SCRG1: variants seen among roughly 807,000 people sequenced by gnomAD.
The protein encoded by SCRG1 is stimulator of chondrogenesis 1, also known as scrapie-responsive protein 1.
A neutral mutation model predicts 7.7 loss-of-function variants in SCRG1; 3 were observed. The ratio of observed to expected loss-of-function variants is 0.39; its 90% CI spans 0.18 to 1.01. The LOEUF (loss-of-function observed/expected upper bound fraction) is 1.01. SCRG1 is among the 50% of genes least tolerant of loss of function. The pLI, the probability that SCRG1 is intolerant of heterozygous loss-of-function variation, is 0.36. For synonymous variants in SCRG1, 46 were observed against 41.2 expected (o/e 1.12, Z -0.44); for missense variants, 110 against 117.2 (o/e 0.94, Z 0.28).
At chr4:173,405,882 G>C (rs974889951) in intron 1 of SCRG1, among the ~76,000 whole-genome samples, 1 of 152,156 alleles carries the variant, frequency 6.6e-6, no homozygotes, top group Admixed American at 6.5e-5. Flanking sequence ...AAGGAGCCCT[G>C]GTTCCTTTCA....
chr4:173,464,913 A>G, the SCRG1 span, among the ~76,000 whole-genome samples: 4 of 152,354 alleles, frequency 2.6e-5, no homozygotes, highest in Middle Eastern at 0.01. Flanking sequence ...TTAGCCTTAC[A>G]TAGGAAGGAA....
the SCRG1 span, among the ~76,000 whole-genome samples, chr4:173,425,678 T>C: frequency 6.6e-6 from 1 of 152,230 alleles, no homozygotes; most frequent in African/African-American, 2.4e-5. Flanking sequence ...CATTCGTTCC[T>C]GACACCAGAA....
At chr4:173,505,036 C>A in the SCRG1 span, among the ~76,000 whole-genome samples, 2 of 152,200 alleles carry the variant, frequency 1.3e-5, no homozygotes, top group South Asian at 4.1e-4. This position sits in a 1 kb window ranked among gnomAD's most constrained non-coding sequence, Gnocchi z 4.4. Flanking sequence ...CATAGTCTCA[C>A]CTTCTGTCAC....
chr4:173,462,193 A>G, the SCRG1 span, among the ~76,000 whole-genome samples: 3 of 152,216 alleles, frequency 2.0e-5, no homozygotes, highest in Non-Finnish European at 2.9e-5. Context: ...TCAATATCCA[A>G]GTACAACAAG....
the SCRG1 span, among the ~76,000 whole-genome samples, chr4:173,433,115 G>T: frequency 6.6e-6 from 1 of 152,038 alleles, no homozygotes; most frequent in African/African-American, 2.4e-5. Flanking sequence ...CTTTTTCCTA[G>T]CTTTAGAAGC....
At chr4:173,459,160 A>G in the SCRG1 span, among the ~76,000 whole-genome samples, 1 of 152,246 alleles carries the variant, frequency 6.6e-6, no homozygotes, top group African/African-American at 2.4e-5. Context: ...CTCCAATACA[A>G]TAATAGTTAG....
upstream of SCRG1, among the ~76,000 whole-genome samples, chr4:173,403,915 A>G (rs1034493882): frequency 6.6e-6 from 1 of 152,178 alleles, no homozygotes; most frequent in African/African-American, 2.4e-5. Context: ...TATTGCCCTA[A>G]TCTTCTCAAA....
the SCRG1 span, among the ~76,000 whole-genome samples, chr4:173,439,582 A>G: frequency 6.6e-6 from 1 of 151,470 alleles, no homozygotes; most frequent in Non-Finnish European, 1.5e-5. Flanking sequence ...ATACAAATAT[A>G]TAAAAATATA....
chr4:173,427,976 C>T, the SCRG1 span, among the ~76,000 whole-genome samples: 226 of 152,200 alleles, frequency 1.5e-3, no homozygotes, highest in African/African-American at 4.9e-3. Flanking sequence ...TATGTATAGA[C>T]GACCTATGCA....
chr4:173,394,790 T>C (rs1039707904), intron 1 of SCRG1, among the ~76,000 whole-genome samples: 4 of 152,228 alleles, frequency 2.6e-5, no homozygotes, highest in Admixed American at 2.6e-4. Flanking sequence ...TGTGTATCCA[T>C]AAACATATTT....
intron 2 of SCRG1, among the ~76,000 whole-genome samples, chr4:173,390,472 G>GTTTT (rs1157046793): frequency 1.7e-5 from 2 of 115,456 alleles, no homozygotes; most frequent in African/African-American, 3.2e-5. Flanking sequence ...GTTGTTGTTC[G>GTTTT]TTTTTTTTTT....
At chr4:173,399,990 G>A (rs1329482407), upstream of SCRG1, among the ~76,000 whole-genome samples, 2 of 152,152 alleles carry the variant, frequency 1.3e-5, no homozygotes, top group Non-Finnish European at 2.9e-5. Context: ...AAGGTGGTAG[G>A]AGATGAAATT....
At chr4:173,514,959 A>T in the SCRG1 span, among the ~76,000 whole-genome samples, 1 of 152,320 alleles carries the variant, frequency 6.6e-6, no homozygotes, top group East Asian at 1.9e-4. Flanking sequence ...CCCGCCCCAA[A>T]ACACAAAATC....
chr4:173,491,898 G>C, the SCRG1 span, among the ~76,000 whole-genome samples: 1 of 152,202 alleles, frequency 6.6e-6, no homozygotes, highest in Non-Finnish European at 1.5e-5. Flanking sequence ...GAAAGGCTGA[G>C]GTGGGAGGAT....
At chr4:173,396,954 G>A (rs1578964912) in intron 1 of SCRG1, among the ~76,000 whole-genome samples, 1 of 152,244 alleles carries the variant, frequency 6.6e-6, no homozygotes, top group Non-Finnish European at 1.5e-5. Flanking sequence ...TCAGGAGGCT[G>A]AGGCAGGAGA....
At chr4:173,488,398 A>C in the SCRG1 span, among the ~76,000 whole-genome samples, 3 of 152,162 alleles carry the variant, frequency 2.0e-5, no homozygotes, top group Admixed American at 2.0e-4. Context: ...TGCAGGGGGA[A>C]ATCAGCCTCT....
the SCRG1 span, chr4:173,419,484 A>G: frequency 1.2e-6 from 1 of 815,952 alleles, no homozygotes; most frequent in Non-Finnish European, 2.0e-6. Flanking sequence ...TGTTTTTTGG[A>G]AGCATTTTCA....
At chr4:173,416,973 C>G in the SCRG1 span, among the ~76,000 whole-genome samples, 1 of 143,060 alleles carries the variant, frequency 7.0e-6, no homozygotes, top group African/African-American at 2.7e-5. Context: ...ATCACACACA[C>G]CACACACACA....
chr4:173,409,925 G>A (rs528228275), upstream of SCRG1, among the ~76,000 whole-genome samples: 6 of 152,264 alleles, frequency 3.9e-5, no homozygotes, highest in Admixed American at 6.5e-5. Flanking sequence ...TATTAGGTGA[G>A]TGGATATACA....
Sources: gnomAD v4.1 joint callset for allele counts (sites outside exome capture counted in the v4.1 genomes callset) on GRCh38, gnomAD v4.1.1 for gene constraint, Gnocchi (gnomAD v3.1) non-coding constraint, MANE v1.5 for transcripts, NCBI Gene and HGNC (gene_info 2026-07-23, HGNC 2026-07-21) for gene names.